The following CEACAM7 variants were observed in gnomAD, a reference collection of about 807,000 sequenced individuals.
CEACAM7 encodes cell adhesion molecule CEACAM7.
A neutral mutation model predicts 25.7 loss-of-function variants in CEACAM7; 24 were observed. The ratio of observed to expected loss-of-function variants is 0.93; its 90% CI spans 0.68 to 1.31. The LOEUF (loss-of-function observed/expected upper bound fraction) is 1.31. CEACAM7 is among the 40% of genes most tolerant of loss of function. The probability of loss-of-function intolerance (pLI) is 0.00; values close to 1 mark genes in which losing one functional copy is unlikely to be tolerated. For synonymous variants in CEACAM7, 144 were observed against 129.4 expected, an observed-to-expected ratio of 1.11 and a Z score of -0.77; for missense variants, 324 against 330.1, an observed-to-expected ratio of 0.98 and a Z score of 0.14.
At chr19:41,683,353 G>C (rs563895786) in intron 3 of CEACAM7, among the ~76,000 whole-genome samples, 80 of 152,294 alleles carry the variant, frequency 5.3e-4, no homozygotes, top group African/African-American at 1.8e-3. Context: ...CTCCTAACTC[G>C]TAAGATATAA....
chr19:41,684,092 C>T (rs1555810994), intron 2 of CEACAM7, 29 bp from the exon 3 acceptor site: 1 of 1,565,300 alleles, frequency 6.4e-7, no homozygotes, highest in Non-Finnish European at 8.7e-7. Flanking sequence ...GAAAAGATTG[C>T]CCTGTGTGGC....
At position 41,683,832 on chromosome 19, in the gene CEACAM7, T is replaced by C; in HGVS notation, c.659A>G (p.Asn220Ser). 6.2e-7 allele frequency: 1 copy of C among 1,614,108 alleles called. No homozygotes were observed. The highest frequency in any genetic ancestry group is 8.5e-7 in the Non-Finnish European group (1 of 1,180,014). ...GTCACTGCGGCTGGCACCCACTGGG[T>C]TCTGTATTTCACATTCATAGGGTCC... ...DIGPYECEIQNPVGASRSDPV... is the reference protein window; with the variant it reads ...DIGPYECEIQSPVGASRSDPV... Residue 220 changes from asparagine to serine, a missense_variant, in exon 3 of 5, where the codon AAC becomes AGC. Physicochemically the swap from Asn to Ser is conservative, Grantham distance 46. Coordinates refer to ENST00000401731, the MANE Select transcript of CEACAM7 (RefSeq NM_001291485.2).
intron 1 of CEACAM7, 109 bp from the exon 2 acceptor site, chr19:41,687,330 A>AGTGAGTGTGTGTGTGTGTGT: frequency 1.4e-6 from 1 of 738,780 alleles, no homozygotes; most frequent in East Asian, 2.8e-5. Flanking sequence ...TCTTGAAGTA[A>AGTGAGTGTGTGTGTGTGTGT]GTGTGTGTGT....
rs1391588563 is a variant in CEACAM7 at position 41,675,579 on chromosome 19, C to G, written c.*37-840G>C. ...TCTAAAGTTATCAGAAACTTGTATT[C>G]AAGACAACTTGTCAGAGTCTTAGCC... On this transcript the variant is annotated intron_variant, in intron 4 of 4. Transcript: ENST00000401731. 3.3e-5 allele frequency among the ~76,000 whole-genome samples: 5 copies of G among 152,286 alleles called. No homozygotes were observed. In the East Asian group the frequency reaches 7.7e-4, roughly 24 times the overall value.
In CEACAM7 at chr19:41,683,926, T is replaced by C. The variant is rs781978564; in HGVS notation, c.565A>G (p.Ser189Gly). 2 of 1,614,234 alleles carry C rather than the reference T, an allele frequency of 1.2e-6. No homozygotes were observed. The highest frequency in any genetic ancestry group is 1.1e-5 in the South Asian group (1 of 91,086). The change falls in exon 3 of 5, where the codon AGT becomes GGT. Residue 189 changes from serine to glycine, a missense_variant. Coordinates refer to ENST00000401731, the MANE Select transcript of CEACAM7 (RefSeq NM_001291485.2). Reference protein sequence around the residue: ...WWVNNQSLLVSPRLLLSTDNR... With the variant: ...WWVNNQSLLVGPRLLLSTDNR... ...TCAGTGGAGAGCAGCAGCCTGGGAC[T>C]GACCAGGAGGCTCTGATTGTTTACC...
chr19:41,686,747 A>G (rs1194254848), intron 2 of CEACAM7, 112 bp downstream of exon 2: 1 of 1,251,048 alleles, frequency 8.0e-7, no homozygotes, highest in Non-Finnish European at 1.1e-6. Flanking sequence ...CCCAAACTCC[A>G]ACACTGGATA....
At chr19:41,677,194 G>C (rs564917381) in intron 4 of CEACAM7, among the ~76,000 whole-genome samples, 182 bp downstream of exon 4, 2 of 152,218 alleles carry the variant, frequency 1.3e-5, no homozygotes, top group African/African-American at 4.8e-5. Context: ...AGACAGTGGA[G>C]TACAGGAAGC....
At chr19:41,679,790 T>TCC (rs2072153936) in intron 3 of CEACAM7, among the ~76,000 whole-genome samples, 1 of 99,582 alleles carries the variant, frequency 1.0e-5, no homozygotes, top group Non-Finnish European at 2.3e-5. Flanking sequence ...TGTCTCTTTC[T>TCC]CTCTCTCTCT....
chr19:41,678,450 T>C (rs2072139407), intron 3 of CEACAM7, among the ~76,000 whole-genome samples: 2 of 152,144 alleles, frequency 1.3e-5, no homozygotes, highest in South Asian at 4.1e-4. Flanking sequence ...GTTGCAATAA[T>C]TTGGGCTTAA....
chr19:41,685,116 C>A (rs782239301), intron 2 of CEACAM7, among the ~76,000 whole-genome samples: 13 of 152,196 alleles, frequency 8.5e-5, no homozygotes, highest in African/African-American at 1.4e-4. Flanking sequence ...ACTGGAGGAC[C>A]TTAGCCCCAC....
chr19:41,688,006 C>G (rs1469318714), intron 1 of CEACAM7, 96 bp downstream of exon 1: 13 of 540,646 alleles, frequency 2.4e-5, no homozygotes, highest in Non-Finnish European at 3.5e-5. Context: ...TCAACAGAAG[C>G]CCTTTGTCCC....
chr19:41,675,667 GA>G (rs1276658984), intron 4 of CEACAM7, among the ~76,000 whole-genome samples: 1 of 152,114 alleles, frequency 6.6e-6, no homozygotes, highest in Non-Finnish European at 1.5e-5. Context: ...TTTTAGAGAA[GA>G]ATCAAAACAA....
At chr19:41,677,077 G>T (rs961587018) in intron 4 of CEACAM7, among the ~76,000 whole-genome samples, 1 of 152,326 alleles carries the variant, frequency 6.6e-6, no homozygotes, top group African/African-American at 2.4e-5. Context: ...TATGGGAATG[G>T]AGAGAACAGC....
At position 41,686,991 on chromosome 19, in the gene CEACAM7, G is replaced by A. The variant is rs150543831; in HGVS notation, c.295C>T (p.Arg99Ter). 3.9e-5 allele frequency: 63 copies of A among 1,613,408 alleles called. No homozygotes were observed. The highest frequency in any genetic ancestry group is 2.0e-4 in the African/African-American group (15 of 74,906). Residue 99 changes from arginine (R) to a stop codon, truncating the protein, a stop_gained, in exon 2 of 5, where the codon CGA becomes TGA. Coordinates refer to ENST00000401731, the MANE Select transcript of CEACAM7 (RefSeq NM_001291485.2). LOFTEE classifies it high-confidence loss of function. ...GTTCCATTGGGGTATATTGTCTCTC[G>A]ACCGTTGTGTGCGGGCCCTGGGGCA... The part of the protein sequence containing the change: ...ENAPGPAHNG[R>*]ETIYPNGTLL...
chr19:41,676,350 T>A (rs184735452), intron 4 of CEACAM7, among the ~76,000 whole-genome samples: 2 of 152,338 alleles, frequency 1.3e-5, no homozygotes, highest in Admixed American at 1.3e-4. Context: ...ATTTTGGTAT[T>A]ACAATTATTT....
chr19:41,675,053 A>C (rs2072100638), intron 4 of CEACAM7, among the ~76,000 whole-genome samples: 1 of 152,198 alleles, frequency 6.6e-6, no homozygotes, highest in Admixed American at 6.5e-5. Flanking sequence ...AGCCAAACCA[A>C]GGCTGACTTC....
Position 41,687,026 on chromosome 19 carries a change from CTT to C in CEACAM7, c.258_259del (p.Ile86MetfsTer31), listed in dbSNP as rs1555811275. ...TGCGGGCCCTGGGGCATTTTCTTGA[CTT>C]ATATTTTTTACATATCCTATAATTC... On this transcript the variant is annotated frameshift_variant, in exon 2 of 5. Coordinates refer to ENST00000401731, the MANE Select transcript of CEACAM7 (RefSeq NM_001291485.2). LOFTEE classifies it high-confidence loss of function. The C allele has an allele frequency of 1.5e-5, 25 of 1,613,880 alleles. No homozygotes were observed. Among genetic ancestry groups the C allele is most frequent in the Non-Finnish European group, 1.9e-5 (23 of 1,179,902 alleles).
intron 3 of CEACAM7, among the ~76,000 whole-genome samples, chr19:41,679,382 A>G (rs1386861389): frequency 1.3e-5 from 2 of 152,184 alleles, no homozygotes; most frequent in Non-Finnish European, 2.9e-5. Flanking sequence ...ACATTCTATC[A>G]TAGTAAACAC....
Position 41,688,260 on chromosome 19 carries a change from C to T in CEACAM7, c.-95G>A. ...TGTGACTGTCAGCTCTGCTGTCCTT[C>T]CTACCTCTGTGCTGAGCCTCCTCCC... On this transcript the variant is annotated 5_prime_UTR_variant, in exon 1 of 5. Transcript: ENST00000401731. The T allele has an allele frequency of 6.6e-7, 1 of 1,512,612 alleles. No homozygotes were observed. The highest frequency in any genetic ancestry group is 8.9e-7 in the Non-Finnish European group (1 of 1,128,506). 93.7% of individuals were successfully genotyped at this position (1,512,612 alleles called of 1,614,324 possible). A position where few individuals can be genotyped will look rare whatever the true frequency, so the allele number is the denominator to read the frequency against.
Sources: allele counts gnomAD v4.1 joint callset (sites outside exome capture counted in the v4.1 genomes callset), GRCh38; gene constraint gnomAD v4.1.1; transcripts MANE v1.5; gene names NCBI Gene and HGNC (gene_info 2026-07-23, HGNC 2026-07-21).